ZNF385D: variants seen among roughly 807,000 people sequenced by gnomAD.
The protein encoded by ZNF385D is zinc finger protein 385D, also known as zinc finger protein 659.
In ZNF385D, 15 loss-of-function variants were observed where a neutral mutation model predicts 35.8. That is an observed-to-expected ratio of 0.42 (90% confidence interval 0.28 to 0.64). The LOEUF is 0.64. ZNF385D is among the 30% of genes least tolerant of loss of function. The pLI is 0.23. For missense variants in ZNF385D, 474 were observed against 494.6 expected (o/e 0.96, Z 0.39); for synonymous variants, 212 against 186.8 (o/e 1.13, Z -1.10).
rs76064293 is a variant in ZNF385D at position 22,365,028 on chromosome 3, C to T, written c.106+7422G>A. Among the ~76,000 whole-genome samples the T allele has an allele frequency of 3.9e-3, 596 of 152,074 alleles. 8 individuals are homozygous for T. In the East Asian group the frequency reaches 0.05, roughly 13 times the overall value. On this transcript the variant is annotated intron_variant, in intron 2 of 5. Transcript: ENST00000494108. ...TGTATGATTCCACTTACATGAGGTA[C>T]TTAAAGTAATCAAAATCAATCATAG...
intron 3 of ZNF385D, among the ~76,000 whole-genome samples, chr3:21,881,718 G>A (rs1337225042): frequency 1.3e-5 from 2 of 151,890 alleles, no homozygotes. Context: ...GATGGATCTG[G>A]GCAATGTAAA....
At chr3:22,281,770 A>G (rs1485914163) in intron 2 of ZNF385D, among the ~76,000 whole-genome samples, 1 of 152,110 alleles carries the variant, frequency 6.6e-6, no homozygotes, top group Non-Finnish European at 1.5e-5. Flanking sequence ...TGATTTAGGA[A>G]GGATTCCCTC....
intron 2 of ZNF385D, among the ~76,000 whole-genome samples, chr3:22,177,710 T>C (rs928432021): frequency 1.3e-5 from 2 of 152,176 alleles, no homozygotes; most frequent in Non-Finnish European, 2.9e-5. Context: ...ATTAGGTATA[T>C]CTCCAAATGC....
At chr3:21,759,959 T>C (rs2070528476) in intron 3 of ZNF385D, among the ~76,000 whole-genome samples, 1 of 152,168 alleles carries the variant, frequency 6.6e-6, no homozygotes, top group Non-Finnish European at 1.5e-5. Flanking sequence ...ATTGAAAGTG[T>C]TTCCAAGTGT....
intron 1 of ZNF385D, among the ~76,000 whole-genome samples, chr3:21,720,898 G>A (rs1242031089): frequency 6.6e-6 from 1 of 152,122 alleles, no homozygotes; most frequent in Non-Finnish European, 1.5e-5. Context: ...GTGCGTGATT[G>A]CAACCACGCA....
In ZNF385D at chr3:21,540,493, C is replaced by T. The variant is rs777489506; in HGVS notation, c.276+24081G>A. Among the ~76,000 whole-genome samples, 8 of 151,874 alleles carry T rather than the reference C, an allele frequency of 5.3e-5. No individual in the cohort carries two copies. In the South Asian group the frequency reaches 1.0e-3, roughly 20 times the overall value. ...AATCAAGAGTGATTGATGGTTGGGA[C>T]GAAAAAAGTTGATTATCATGACAAG... On this transcript the variant is annotated intron_variant, in intron 3 of 7. Coordinates refer to ENST00000281523, the MANE Select transcript of ZNF385D (RefSeq NM_024697.3).
At chr3:21,790,108 C>T (rs556719189) in intron 3 of ZNF385D, among the ~76,000 whole-genome samples, 3 of 152,066 alleles carry the variant, frequency 2.0e-5, no homozygotes, top group East Asian at 1.9e-4. Flanking sequence ...TATCTATGCT[C>T]ATGGATAAAA....
intron 3 of ZNF385D, chr3:22,134,063 T>A (rs190909266): frequency 6.6e-6 from 1 of 152,222 alleles, no homozygotes; most frequent in Non-Finnish European, 1.5e-5. Flanking sequence ...ATGATCAATT[T>A]ATAGACTTAA....
chr3:22,090,829 G>A (rs1397832420), intron 3 of ZNF385D, among the ~76,000 whole-genome samples: 1 of 152,124 alleles, frequency 6.6e-6, no homozygotes, highest in Non-Finnish European at 1.5e-5. Context: ...CCATGCCTGA[G>A]GAGACTAGCC....
intron 3 of ZNF385D, among the ~76,000 whole-genome samples, chr3:21,902,561 GA>G (rs1699465138): frequency 6.6e-6 from 1 of 152,092 alleles, no homozygotes; most frequent in African/African-American, 2.4e-5. Context: ...GACGATAAAC[GA>G]AAAGAAAGGG....
At chr3:22,066,770 G>C (rs1699984986) in intron 3 of ZNF385D, among the ~76,000 whole-genome samples, 1 of 152,086 alleles carries the variant, frequency 6.6e-6, no homozygotes, top group South Asian at 2.1e-4. Flanking sequence ...TTCCTAGTTG[G>C]TTGTTCATGA....
Position 21,768,017 on chromosome 3 carries a change from A to G in ZNF385D, c.326-102989T>C, listed in dbSNP as rs188184878. ...TTATTCACATAAGTACATCCTAAGC[A>G]TGAGGGAACTGTAACAACATGCACT... On this transcript the variant is annotated intron_variant, in intron 3 of 5. Transcript: ENST00000494108. 9.9e-5 allele frequency among the ~76,000 whole-genome samples: 15 copies of G among 152,184 alleles called. No individual in the cohort carries two copies. In the East Asian group the frequency reaches 1.9e-3, roughly 20 times the overall value.
At chr3:21,937,349 A>C (rs1195457975) in intron 3 of ZNF385D, among the ~76,000 whole-genome samples, 3 of 152,188 alleles carry the variant, frequency 2.0e-5, no homozygotes, top group African/African-American at 7.2e-5. Flanking sequence ...TGACCTTCGG[A>C]GAACAATAAT....
At chr3:22,035,669 C>A (rs1408883297) in intron 3 of ZNF385D, among the ~76,000 whole-genome samples, 1 of 152,116 alleles carries the variant, frequency 6.6e-6, no homozygotes, top group Non-Finnish European at 1.5e-5. Context: ...CTGAAACCCC[C>A]ACCTAATCAG....
intron 3 of ZNF385D, among the ~76,000 whole-genome samples, chr3:21,766,666 T>C (rs2070843742): frequency 2.6e-5 from 4 of 151,962 alleles, no homozygotes; most frequent in Admixed American, 1.3e-4. Flanking sequence ...GCATGGAGAA[T>C]AGAGATAAAT....
intron 2 of ZNF385D, among the ~76,000 whole-genome samples, chr3:22,261,068 C>T (rs1428433155): frequency 1.3e-5 from 2 of 151,626 alleles, no homozygotes; most frequent in Non-Finnish European, 2.9e-5. Context: ...TTAATTTAAT[C>T]ACTGTGTTTT....
intron 3 of ZNF385D, among the ~76,000 whole-genome samples, chr3:22,015,102 T>C (rs1696805105): frequency 2.0e-5 from 3 of 152,142 alleles, no homozygotes; most frequent in African/African-American, 4.8e-5. Context: ...ACATTTATTA[T>C]TTACCTAAGC....
At chr3:22,063,503 A>G (rs1334090805) in intron 3 of ZNF385D, among the ~76,000 whole-genome samples, 6 of 152,354 alleles carry the variant, frequency 3.9e-5, no homozygotes, top group Admixed American at 6.5e-5. Flanking sequence ...TAAAATGAGT[A>G]TAACACTTGA....
At chr3:21,680,076 G>A (rs1191624744) in intron 1 of ZNF385D, among the ~76,000 whole-genome samples, 1 of 152,082 alleles carries the variant, frequency 6.6e-6, no homozygotes, top group Non-Finnish European at 1.5e-5. Context: ...TGGAAAAATA[G>A]AGTCACACTA....
Sources: gnomAD v4.1 joint callset for allele counts (sites outside exome capture counted in the v4.1 genomes callset) on GRCh38, gnomAD v4.1.1 for gene constraint, MANE v1.5 for transcripts, NCBI Gene and HGNC (gene_info 2026-07-23, HGNC 2026-07-21) for gene names.